Variants in PDE4C observed in about 807,000 individuals in gnomAD.
PDE4C encodes phosphodiesterase 4C, also known as 3',5'-cyclic-AMP phosphodiesterase 4C.
PDE4C carries 50 observed loss-of-function variants against 63.9 expected under a neutral mutation model. That is an observed-to-expected ratio of 0.78 (90% CI 0.62 to 0.99). The LOEUF is 0.99. Ranked by LOEUF, PDE4C falls within the 50% of genes least tolerant of loss-of-function variation. The pLI is 0.00. For missense variants in PDE4C, 777 were observed against 899.1 expected, an observed-to-expected ratio of 0.86 and a Z score of 1.74; for synonymous variants, 377 against 385.1, an observed-to-expected ratio of 0.98 and a Z score of 0.25.
intron 11 of PDE4C, among the ~76,000 whole-genome samples, chr19:18,217,880 G>A (rs1968269934): frequency 6.6e-6 from 1 of 152,138 alleles, no homozygotes; most frequent in Non-Finnish European, 1.5e-5. Flanking sequence ...CTGGGTGACA[G>A]AGCAAGACAC....
At chr19:18,222,604 C>T (rs1968530888) in intron 1 of PDE4C, among the ~76,000 whole-genome samples, 1 of 132,564 alleles carries the variant, frequency 7.5e-6, no homozygotes, top group African/African-American at 2.7e-5. Context: ...CTCAATCACC[C>T]TATTTCTTTT....
chr19:18,229,978 C>T (rs1449141656), upstream of PDE4C, among the ~76,000 whole-genome samples: 1 of 152,166 alleles, frequency 6.6e-6, no homozygotes, highest in Non-Finnish European at 1.5e-5. Context: ...ATGGCCCTCA[C>T]CTGAATGCTT....
exon 1 of PDE4C, chr19:18,233,321 G>C: frequency 7.6e-7 from 1 of 1,307,716 alleles, no homozygotes; most frequent in South Asian, 1.3e-5. Context: ...TGTCCGCGCC[G>C]GAGGTGCTGA....
At chr19:18,251,134 T>C (rs1418435729), upstream of PDE4C, among the ~76,000 whole-genome samples, 1 of 151,064 alleles carries the variant, frequency 6.6e-6, no homozygotes. Context: ...GAGTCTTTTT[T>C]TTCCCCCCCG....
In PDE4C at chr19:18,221,188, G is replaced by GGAGGT. The variant is rs1968468297; in HGVS notation, c.376-15_376-11dup. ...GCAGACTGGCCAGGACCTGTTGGGAGGAGGTGGTAGGCGGTGGGAAGGAGA... is the reference window on the plus strand; with the variant it reads ...GCAGACTGGCCAGGACCTGTTGGGAGGAGGTGAGGTGGTAGGCGGTGGGAAGGAGA... On this transcript the variant is annotated splice_polypyrimidine_tract_variant and intron_variant, in intron 3 of 14. Coordinates refer to ENST00000262805, the Ensembl canonical transcript of PDE4C. The GGAGGT allele has an allele frequency of 6.4e-7, 1 of 1,570,544 alleles. No homozygotes were observed. The highest frequency in any genetic ancestry group is 1.2e-5 in the South Asian group (1 of 84,172).
chr19:18,226,331 T>C (rs1307874644), exon 1 of PDE4C: 55 of 1,557,074 alleles, frequency 3.5e-5, no homozygotes, highest in Non-Finnish European at 4.6e-5. Flanking sequence ...ACCAAAAGCT[T>C]CCTGAAGAGC....
chr19:18,220,990 C>T lies in PDE4C; in HGVS notation c.450-67G>A. On this transcript the variant is annotated intron_variant, in intron 4 of 14. Coordinates refer to ENST00000262805, the Ensembl canonical transcript of PDE4C. This position sits in a 1 kb window ranked among gnomAD's most constrained non-coding sequence, Gnocchi z 5.1. Reference sequence around the variant, plus strand: ...CGCCCCGCCCCCAAGTCCACCAGGCCCCGCCCCTCAAACCCACCTGGAGGC... The same window carrying T: ...CGCCCCGCCCCCAAGTCCACCAGGCTCCGCCCCTCAAACCCACCTGGAGGC... The T allele has an allele frequency of 1.3e-6, 2 of 1,555,126 alleles. No individual in the cohort carries two copies. Among genetic ancestry groups the T allele is most frequent in the Non-Finnish European group, 1.7e-6 (2 of 1,148,512 alleles).
At chr19:18,233,251 C>T (rs1323121855) in exon 1 of PDE4C, 1 of 1,540,208 alleles carries the variant, frequency 6.5e-7, no homozygotes, top group Middle Eastern at 1.7e-4. Flanking sequence ...GAGCGGGCGC[C>T]GAGGAGCGTC....
At chr19:18,218,271 C>T (rs369249845) in intron 10 of PDE4C, 23 bp from the exon 11 acceptor site, 46 of 1,613,536 alleles carry the variant, frequency 2.9e-5, no homozygotes, top group Non-Finnish European at 3.7e-5. Flanking sequence ...AGGGCACAGG[C>T]GGTGAGGGGC....
chr19:18,222,261 C>T (rs1555824686), exon 2 of PDE4C: 2 of 1,613,900 alleles, frequency 1.2e-6, no homozygotes, highest in Non-Finnish European at 1.7e-6. Context: ...CCGGCCCAGG[C>T]CAGGGCTGGA....
intron 1 of PDE4C, among the ~76,000 whole-genome samples, chr19:18,224,016 C>T (rs893205754): frequency 2.6e-5 from 4 of 152,228 alleles, no homozygotes; most frequent in African/African-American, 9.6e-5. Flanking sequence ...TCCCCCACTC[C>T]TCCACTTCAT....
chr19:18,253,023 G>T (rs1478536841), upstream of PDE4C, among the ~76,000 whole-genome samples: 2 of 152,174 alleles, frequency 1.3e-5, no homozygotes, highest in Non-Finnish European at 2.9e-5. Flanking sequence ...TCAAATTCAT[G>T]CTCCTGGTCT....
At chr19:18,211,556 A>T (rs902260308) in intron 14 of PDE4C, among the ~76,000 whole-genome samples, 1 of 152,136 alleles carries the variant, frequency 6.6e-6, no homozygotes, top group African/African-American at 2.4e-5. Context: ...CCTAGAACAG[A>T]TGTTTCCAAA....
At position 18,218,328 on chromosome 19, in the gene PDE4C, C is replaced by T. The variant is rs1968296829; in HGVS notation, c.1134+6G>A. The T allele has an allele frequency of 1.9e-6, 3 of 1,614,172 alleles. No individual in the cohort carries two copies. The highest frequency in any genetic ancestry group is 1.7e-6 in the Non-Finnish European group (2 of 1,180,014). ...CGCCCACCTGCCTGCAGTCATGGCG[C>T]AGTACCTCGAGGGCGGGCGTAGCCA... On this transcript the variant is annotated splice_donor_region_variant and intron_variant, in intron 10 of 14. Coordinates refer to ENST00000262805, the Ensembl canonical transcript of PDE4C.
chr19:18,252,279 G>A (rs1969239639), upstream of PDE4C: 1 of 399,076 alleles, frequency 2.5e-6, no homozygotes. Context: ...TGTGGAGCTG[G>A]GGCTCGGCTG....
upstream of PDE4C, among the ~76,000 whole-genome samples, chr19:18,251,536 G>A (rs1404137057): frequency 6.6e-6 from 1 of 151,232 alleles, no homozygotes; most frequent in East Asian, 2.0e-4. Context: ...CTGGGTTCAA[G>A]CGATTCTCCT....
chr19:18,231,138 C>T (rs956346306), upstream of PDE4C, among the ~76,000 whole-genome samples: 3 of 152,206 alleles, frequency 2.0e-5, no homozygotes, highest in African/African-American at 7.2e-5. Flanking sequence ...GGCCTTGGGG[C>T]CTGGCCTTGA....
exon 15 of PDE4C, chr19:18,210,843 C>A (rs1285674990): frequency 6.6e-7 from 1 of 1,509,542 alleles, no homozygotes; most frequent in African/African-American, 1.4e-5. Flanking sequence ...GCAGGAGCCA[C>A]ATGGAGCCTC....
upstream of PDE4C, chr19:18,250,364 C>T (rs1194293327): frequency 1.5e-5 from 6 of 399,030 alleles, no homozygotes; most frequent in African/African-American, 1.2e-4. Context: ...GTGACAGAAT[C>T]TCACAGCCAT....
Sources: gnomAD v4.1 joint callset for allele counts (sites outside exome capture counted in the v4.1 genomes callset) on GRCh38, gnomAD v4.1.1 for gene constraint, Gnocchi (gnomAD v3.1) non-coding constraint, MANE v1.5 for transcripts, NCBI Gene and HGNC (gene_info 2026-07-23, HGNC 2026-07-21) for gene names.